Variants in MBNL2 observed in about 807,000 individuals in gnomAD.
MBNL2 encodes the protein muscleblind like splicing regulator 2.
Under a neutral mutation model 41.9 loss-of-function variants are expected in MBNL2, and 17 were observed. The ratio of observed to expected loss-of-function variants is 0.41; its 90% confidence interval spans 0.28 to 0.61. The LOEUF (loss-of-function observed/expected upper bound fraction) is 0.61, where lower values mean the gene tolerates loss of function less well. Among genes scored for constraint, MBNL2 ranks in the 20% least tolerant of loss-of-function variants. MBNL2 has a pLI of 0.35. For synonymous variants in MBNL2, 195 were observed against 182.9 expected (o/e 1.07, Z -0.53); for missense variants, 336 against 505.6 (o/e 0.66, Z 3.22).
intron 2 of MBNL2, among the ~76,000 whole-genome samples, chr13:97,332,859 C>G (rs1566422773): frequency 6.6e-6 from 1 of 152,210 alleles, no homozygotes; most frequent in Non-Finnish European, 1.5e-5. Context: ...CCTGGTTATC[C>G]TCCCCAAAGA....
intron 2 of MBNL2, among the ~76,000 whole-genome samples, chr13:97,330,856 C>T (rs775661633): frequency 3.9e-5 from 6 of 152,228 alleles, no homozygotes; most frequent in Non-Finnish European, 7.4e-5. Context: ...AATTCTGTTA[C>T]GTAGAGTCTC....
intron 1 of MBNL2, among the ~76,000 whole-genome samples, chr13:97,267,181 G>T (rs1161629063): frequency 6.6e-6 from 1 of 152,174 alleles, no homozygotes; most frequent in Non-Finnish European, 1.5e-5. Context: ...TGGAATGGAG[G>T]GAGGTCGCCT....
intron 2 of MBNL2, among the ~76,000 whole-genome samples, chr13:97,318,999 A>G (rs564669997): frequency 6.6e-6 from 1 of 152,290 alleles, no homozygotes; most frequent in East Asian, 1.9e-4. Flanking sequence ...GACCACAGTG[A>G]AGAAAAACCC....
intron 1 of MBNL2, among the ~76,000 whole-genome samples, chr13:97,224,083 C>T (rs1219981407): frequency 6.6e-6 from 1 of 152,226 alleles, no homozygotes; most frequent in Non-Finnish European, 1.5e-5. Flanking sequence ...CCGGTCAGCA[C>T]AGGTTTTCTG....
intron 3 of MBNL2, among the ~76,000 whole-genome samples, chr13:97,341,668 C>A (rs2061452628): frequency 6.6e-6 from 1 of 152,296 alleles, no homozygotes; most frequent in Non-Finnish European, 1.5e-5. Context: ...ATTAGAACCA[C>A]CCCTTCTAGC....
At chr13:97,307,048 A>C (rs1221103171) in intron 2 of MBNL2, among the ~76,000 whole-genome samples, 1 of 152,184 alleles carries the variant, frequency 6.6e-6, no homozygotes, top group Non-Finnish European at 1.5e-5. Context: ...TGTTCAAGGC[A>C]TGTTCCTGTT....
chr13:97,188,990 C>G, the MBNL2 span, among the ~76,000 whole-genome samples: 1 of 152,170 alleles, frequency 6.6e-6, no homozygotes, highest in African/African-American at 2.4e-5. Flanking sequence ...ATCCTTTGAA[C>G]AATTCATACA....
At chr13:97,150,757 A>G in the MBNL2 span, among the ~76,000 whole-genome samples, 1 of 152,100 alleles carries the variant, frequency 6.6e-6, no homozygotes, top group African/African-American at 2.4e-5. Context: ...TCCTCTTGCC[A>G]CTTGCCTTAG....
the MBNL2 span, among the ~76,000 whole-genome samples, chr13:97,144,932 AG>A: frequency 6.6e-6 from 1 of 152,222 alleles, no homozygotes; most frequent in African/African-American, 2.4e-5. Context: ...GGTACTCATT[AG>A]GCGAATTTCA....
chr13:97,326,305 T>C (rs1334014364), intron 2 of MBNL2, among the ~76,000 whole-genome samples: 1 of 152,222 alleles, frequency 6.6e-6, no homozygotes, highest in African/African-American at 2.4e-5. Flanking sequence ...CCCTCATTTA[T>C]CCACCAGGCT....
rs142746571 is a variant in MBNL2 at position 97,321,246 on chromosome 13, C to T, written c.175-13030C>T. Among the ~76,000 whole-genome samples the T allele has an allele frequency of 1.8e-3, 277 of 152,306 alleles. 1 individual carries two copies. The highest frequency in any genetic ancestry group is 6.2e-3 in the African/African-American group (259 of 41,552). ...TTACCATAAGTACCTCCCAGATGGG[C>T]AGCAGCCAATCAGAGTGCACCACAG... On this transcript the variant is annotated intron_variant, in intron 2 of 8. Coordinates refer to ENST00000679496, the MANE Select transcript of MBNL2 (RefSeq NM_001382683.1).
At chr13:97,217,024 TATAAC>T (rs200334037), upstream of MBNL2, among the ~76,000 whole-genome samples, 257 of 147,986 alleles carry the variant, frequency 1.7e-3, no homozygotes, top group African/African-American at 5.3e-3. Context: ...AGAATATACA[TATAAC>T]ATAATATACA....
At chr13:97,159,089 G>A in the MBNL2 span, among the ~76,000 whole-genome samples, 1 of 152,026 alleles carries the variant, frequency 6.6e-6, no homozygotes, top group Admixed American at 6.5e-5. Context: ...CCTGTATTGG[G>A]TGCATATATA....
At chr13:97,207,582 A>T in the MBNL2 span, among the ~76,000 whole-genome samples, 5 of 152,280 alleles carry the variant, frequency 3.3e-5, no homozygotes, top group African/African-American at 9.6e-5. Flanking sequence ...CCCATGATTC[A>T]ATTACCTCCC....
chr13:97,155,624 C>A, the MBNL2 span, among the ~76,000 whole-genome samples: 5 of 150,304 alleles, frequency 3.3e-5, no homozygotes, highest in Non-Finnish European at 5.9e-5. Flanking sequence ...TCAATTCCCA[C>A]CTATGAGTGA....
At chr13:97,382,272 A>G (rs565326189) in intron 8 of MBNL2, among the ~76,000 whole-genome samples, 2 of 152,374 alleles carry the variant, frequency 1.3e-5, no homozygotes, top group South Asian at 2.1e-4. Flanking sequence ...GGGCTGGCCT[A>G]CAACCATTTT....
rs557921849 is a variant in MBNL2 at position 97,268,125 on chromosome 13, G to A, written c.-604-7507G>A. Among the ~76,000 whole-genome samples, 15 of 150,716 alleles carry A rather than the reference G, an allele frequency of 1.0e-4. No homozygotes were observed. Among genetic ancestry groups the A allele is most frequent in the African/African-American group, 9.8e-5 (4 of 40,936 alleles). On this transcript the variant is annotated intron_variant, in intron 1 of 8. Coordinates refer to ENST00000679496, the MANE Select transcript of MBNL2 (RefSeq NM_001382683.1). This position sits in a 1 kb window ranked among gnomAD's most constrained non-coding sequence, Gnocchi z 4.6. ...CCTTTCTTTCTTTTGAGACAGCGTC[G>A]CTCTTGTCATCCAGGCTAGAGTGCA... is the stretch of plus-strand genomic sequence containing the variant.
chr13:97,388,787 A>C (rs1164160304), intron 8 of MBNL2, among the ~76,000 whole-genome samples: 1 of 152,202 alleles, frequency 6.6e-6, no homozygotes, highest in Non-Finnish European at 1.5e-5. Flanking sequence ...CTGTATCAGC[A>C]AGCTGTATTT....
At chr13:97,243,429 G>A (rs766441379) in intron 1 of MBNL2, among the ~76,000 whole-genome samples, 82 of 152,260 alleles carry the variant, frequency 5.4e-4, no homozygotes, top group East Asian at 1.7e-3. Context: ...AAGGAGGTGA[G>A]GATAAATGGA....
Sources: gnomAD v4.1 joint callset for allele counts (sites outside exome capture counted in the v4.1 genomes callset) on GRCh38, gnomAD v4.1.1 for gene constraint, Gnocchi (gnomAD v3.1) non-coding constraint, MANE v1.5 for transcripts, NCBI Gene and HGNC (gene_info 2026-07-23, HGNC 2026-07-21) for gene names.